The following TRPS1 variants were observed in gnomAD, a reference collection of about 807,000 sequenced individuals.
The protein encoded by TRPS1 is zinc finger transcription factor Trps1.
A neutral mutation model predicts 101.2 loss-of-function variants in TRPS1; 6 were observed. The ratio of observed to expected loss-of-function variants is 0.06; its 90% confidence interval spans 0.03 to 0.12. The LOEUF is 0.12. Ranked by LOEUF, TRPS1 falls within the 10% of genes least tolerant of loss-of-function variation. The pLI, the probability that TRPS1 is intolerant of heterozygous loss-of-function variation, is 1.00. For synonymous variants in TRPS1, 578 were observed against 589.8 expected (o/e 0.98, Z 0.29); for missense variants, 1,363 against 1,567.0 (o/e 0.87, Z 2.20).
intron 5 of TRPS1, among the ~76,000 whole-genome samples, chr8:115,568,222 T>C (rs1325403252): frequency 6.6e-6 from 1 of 152,080 alleles, no homozygotes; most frequent in Admixed American, 6.6e-5. Context: ...GAACAATTAA[T>C]CTGAATAATA....
chr8:115,441,239 G>C (rs1364066654), intron 5 of TRPS1, among the ~76,000 whole-genome samples: 2 of 152,214 alleles, frequency 1.3e-5, no homozygotes, highest in African/African-American at 4.8e-5. Context: ...ATGTTTATTA[G>C]CCAGATAACT....
At chr8:115,506,233 G>A (rs1054635844) in intron 5 of TRPS1, among the ~76,000 whole-genome samples, 2 of 151,690 alleles carry the variant, frequency 1.3e-5, no homozygotes, top group African/African-American at 4.8e-5. Flanking sequence ...GGAAAAAATG[G>A]GGTAAAAAAA....
intron 5 of TRPS1, among the ~76,000 whole-genome samples, chr8:115,455,018 A>C (rs1813981356): frequency 6.6e-6 from 1 of 152,208 alleles, no homozygotes; most frequent in Non-Finnish European, 1.5e-5. Context: ...TTGCTGCCCA[A>C]GTTCCTTTGT....
Position 115,415,001 on chromosome 8 carries a change from C to T in TRPS1, c.2907G>A (p.Glu969=). 6.3e-7 allele frequency: 1 copy of T among 1,577,342 alleles called. No individual in the cohort carries two copies. Among genetic ancestry groups the T allele is most frequent in the Non-Finnish European group, 8.6e-7 (1 of 1,167,612 alleles). ...RRRTRKRLNP[E]ALQAEQLNKQ... is the part of the protein sequence containing the mutation. ...TGTTGAGCTGCTCAGCCTGAAGTGC[C>T]TCTGGGTTAAGGCGCTTTCTTGTTC... The change falls in exon 7 of 7, where the codon GAG becomes GAA. Residue 969 remains glutamate, a synonymous_variant. Transcript: ENST00000395715.
intron 5 of TRPS1, among the ~76,000 whole-genome samples, chr8:115,531,898 G>C (rs1346770996): frequency 6.6e-6 from 1 of 152,094 alleles, no homozygotes; most frequent in Admixed American, 6.6e-5. Flanking sequence ...TGAAGAAATG[G>C]AGAAGGTACA....
At chr8:115,525,373 A>T (rs1346826689) in intron 5 of TRPS1, among the ~76,000 whole-genome samples, 1 of 152,154 alleles carries the variant, frequency 6.6e-6, no homozygotes, top group African/African-American at 2.4e-5. Flanking sequence ...AGGAAAGAAG[A>T]AGCTGTATTC....
intron 5 of TRPS1, among the ~76,000 whole-genome samples, chr8:115,452,120 G>A (rs193088665): frequency 6.6e-6 from 1 of 152,084 alleles, no homozygotes. Context: ...ATCAGAGTTC[G>A]CATATCAAAT....
At chr8:115,485,167 G>T (rs1460774756) in intron 5 of TRPS1, among the ~76,000 whole-genome samples, 1 of 152,170 alleles carries the variant, frequency 6.6e-6, no homozygotes, top group Admixed American at 6.6e-5. Context: ...TCAGAGAGAC[G>T]TGCATCACCT....
chr8:115,518,617 G>A (rs754096237), intron 5 of TRPS1, among the ~76,000 whole-genome samples: 1 of 151,764 alleles, frequency 6.6e-6, no homozygotes, highest in Admixed American at 6.6e-5. Flanking sequence ...TTCCAAATTT[G>A]ACAAGCTTTC....
At chr8:115,594,714 C>A (rs1011624808) in intron 4 of TRPS1, among the ~76,000 whole-genome samples, 10 of 151,726 alleles carry the variant, frequency 6.6e-5, no homozygotes, top group Non-Finnish European at 1.3e-4. Context: ...TCTTTATTCA[C>A]AATAGTAGTA....
chr8:115,472,588 T>G (rs1814499761), intron 5 of TRPS1, among the ~76,000 whole-genome samples: 2 of 152,204 alleles, frequency 1.3e-5, no homozygotes, highest in South Asian at 4.1e-4. Context: ...GAATTTCCCC[T>G]CAGAAAATTG....
chr8:115,493,917 A>G (rs1192587102), intron 5 of TRPS1, among the ~76,000 whole-genome samples: 2 of 152,222 alleles, frequency 1.3e-5, no homozygotes, highest in Non-Finnish European at 2.9e-5. Flanking sequence ...GAAAGAAAAC[A>G]CTGATTTATA....
chr8:115,519,339 T>C (rs1815800142), intron 5 of TRPS1, among the ~76,000 whole-genome samples: 1 of 151,718 alleles, frequency 6.6e-6, no homozygotes, highest in Admixed American at 6.6e-5. Context: ...ATTGTAGTCA[T>C]CTTTTAAACT....
intron 5 of TRPS1, among the ~76,000 whole-genome samples, chr8:115,560,523 T>C (rs566837439): frequency 2.6e-5 from 4 of 152,194 alleles, no homozygotes; most frequent in East Asian, 1.9e-4. Flanking sequence ...TTTTAGGGAG[T>C]CCCAAATGCA....
At chr8:115,642,306 T>C (rs1818919362) in intron 1 of TRPS1, among the ~76,000 whole-genome samples, 2 of 6,002 alleles carry the variant, frequency 3.3e-4, no homozygotes, top group Non-Finnish European at 5.4e-4. Context: ...TAGTCATATA[T>C]CCGATATGAA....
intron 5 of TRPS1, among the ~76,000 whole-genome samples, chr8:115,435,515 G>A (rs958446679): frequency 3.9e-5 from 6 of 152,056 alleles, no homozygotes; most frequent in African/African-American, 7.2e-5. Context: ...TGGGGTACTC[G>A]GGGCTGGCAG....
chr8:115,518,023 A>AG (rs35414465), intron 5 of TRPS1, among the ~76,000 whole-genome samples: 151,744 of 151,746 alleles, frequency 1, 75,871 homozygotes, highest in Middle Eastern at 1. Flanking sequence ...AACATCCACC[A>AG]GTGTAGGACA....
In TRPS1 at chr8:115,431,021, A is replaced by G. The variant is rs557633852; in HGVS notation, c.2701-12569T>C. Among the ~76,000 whole-genome samples the G allele has an allele frequency of 2.6e-5, 4 of 152,172 alleles. No homozygotes were observed. The East Asian group carries it at 5.8e-4, about 22-fold the overall frequency. Reference sequence around the variant, plus strand: ...AATTATTTACTTTAGTAGGAGGAAAATAAGACACTGATAACTTATGATTAA... The same window carrying G: ...AATTATTTACTTTAGTAGGAGGAAAGTAAGACACTGATAACTTATGATTAA... On this transcript the variant is annotated intron_variant, in intron 5 of 6. Transcript: ENST00000395715.
chr8:115,485,619 CTATA>C (rs1814860379), intron 5 of TRPS1, among the ~76,000 whole-genome samples: 1 of 151,970 alleles, frequency 6.6e-6, no homozygotes, highest in Non-Finnish European at 1.5e-5. Context: ...ATCATCAATA[CTATA>C]TATAGTCACT....
Sources: allele counts gnomAD v4.1 joint callset (sites outside exome capture counted in the v4.1 genomes callset), GRCh38; gene constraint gnomAD v4.1.1; transcripts MANE v1.5; gene names NCBI Gene and HGNC (gene_info 2026-07-23, HGNC 2026-07-21).